The following TUSC3 variants were observed in gnomAD, a reference collection of about 807,000 sequenced individuals.
TUSC3 encodes the protein tumor suppressor candidate 3.
Under a neutral mutation model 44.8 loss-of-function variants are expected in TUSC3, and 45 were observed. The ratio of observed to expected loss-of-function variants is 1.00; its 90% CI spans 0.79 to 1.29. The LOEUF (loss-of-function observed/expected upper bound fraction) is 1.29. Ranked by LOEUF, TUSC3 falls within the 50% of genes most tolerant of loss-of-function variation. TUSC3 has a pLI of 0.00. For missense variants in TUSC3, 519 were observed against 437.9 expected (o/e 1.19, Z -1.65); for synonymous variants, 212 against 152.9 (o/e 1.39, Z -2.85).
intron 1 of TUSC3, among the ~76,000 whole-genome samples, chr8:15,430,625 C>T (rs1057142798): frequency 2.0e-5 from 3 of 151,390 alleles, no homozygotes; most frequent in Admixed American, 6.6e-5. Context: ...GAAGTTCTGG[C>T]CAGGGCAATC....
rs569059548 is a variant in TUSC3, at chr8:15,613,476, C to T, written c.139-9604C>T. Among the ~76,000 whole-genome samples the T allele has an allele frequency of 1.3e-3, 195 of 152,254 alleles. 1 individual carries two copies. The highest frequency in any genetic ancestry group is 2.2e-3 in the Non-Finnish European group (151 of 68,024). On this transcript the variant is annotated intron_variant, in intron 1 of 10. Transcript: ENST00000503731. The stretch of plus-strand genomic sequence containing the variant: ...CCATGCATTGGCCCATGCAGTTTTA[C>T]AAACATCAAGTCTCATGAGATGTGA...
chr8:15,528,629 GT>G (rs771456605), intron 2 of TUSC3, among the ~76,000 whole-genome samples: 5 of 152,172 alleles, frequency 3.3e-5, no homozygotes, highest in Non-Finnish European at 7.4e-5. Flanking sequence ...CCTTTCCAGT[GT>G]TTTCCTGGCT....
At chr8:15,847,377 T>A in the TUSC3 span, among the ~76,000 whole-genome samples, 3 of 152,182 alleles carry the variant, frequency 2.0e-5, no homozygotes, top group African/African-American at 7.2e-5. Context: ...TCTTGTGATT[T>A]TGCAAACTTC....
intron 9 of TUSC3, among the ~76,000 whole-genome samples, chr8:15,753,844 A>G (rs1424003502): frequency 1.3e-5 from 2 of 152,104 alleles, no homozygotes; most frequent in African/African-American, 4.8e-5. Context: ...TATCTATTCA[A>G]TTAGTTAACT....
intron 2 of TUSC3, among the ~76,000 whole-genome samples, chr8:15,628,753 C>A (rs1644706326): frequency 6.6e-6 from 1 of 152,182 alleles, no homozygotes; most frequent in African/African-American, 2.4e-5. Context: ...TACCTACCTT[C>A]TTAGTGAAGA....
chr8:15,718,122 A>G (rs1003926566), intron 6 of TUSC3, among the ~76,000 whole-genome samples: 3 of 152,122 alleles, frequency 2.0e-5, no homozygotes, highest in Admixed American at 6.6e-5. Flanking sequence ...AAGTTTTCAA[A>G]TGTTTGTGAG....
In TUSC3 at chr8:15,606,086, C is replaced by T. The variant is rs1804512637; in HGVS notation, c.139-16994C>T. Among the ~76,000 whole-genome samples the T allele has an allele frequency of 3.3e-5, 5 of 151,930 alleles. No homozygotes were observed. The South Asian group carries it at 1.0e-3, about 31-fold the overall frequency. On this transcript the variant is annotated intron_variant, in intron 1 of 10. Transcript: ENST00000503731. ...ACACCATGGGACGCAAACAAAATGCCACTAGGGATGCTGGAGGTGCTCCCA... is the reference window on the plus strand; with the variant it reads ...ACACCATGGGACGCAAACAAAATGCTACTAGGGATGCTGGAGGTGCTCCCA...
chr8:15,806,266 T>TG, the TUSC3 span: 2 of 610,132 alleles, frequency 3.3e-6, no homozygotes, highest in Non-Finnish European at 6.2e-6. Context: ...GGTGGCAGTC[T>TG]GGGGATGTTC....
At chr8:15,681,657 G>T (rs1255678126) in intron 6 of TUSC3, among the ~76,000 whole-genome samples, 4 of 150,984 alleles carry the variant, frequency 2.6e-5, no homozygotes, top group Admixed American at 1.3e-4. Context: ...GGATTTCTGG[G>T]CTTCAATTTC....
intron 6 of TUSC3, among the ~76,000 whole-genome samples, chr8:15,725,583 C>G (rs749730456): frequency 2.0e-5 from 3 of 150,418 alleles, no homozygotes; most frequent in Non-Finnish European, 4.4e-5. Context: ...AATTTGGAAT[C>G]TCGTTTGAAT....
intron 2 of TUSC3, among the ~76,000 whole-genome samples, chr8:15,650,165 A>T (rs1806826131): frequency 6.6e-6 from 1 of 152,226 alleles, no homozygotes; most frequent in Non-Finnish European, 1.5e-5. Flanking sequence ...ATGTAAATGC[A>T]TTTTGAGATA....
At chr8:15,778,466 T>C in the TUSC3 span, among the ~76,000 whole-genome samples, 1 of 152,140 alleles carries the variant, frequency 6.6e-6, no homozygotes, top group Non-Finnish European at 1.5e-5. Context: ...AAGAAAACTA[T>C]TAATGATTTT....
the TUSC3 span, among the ~76,000 whole-genome samples, chr8:15,809,705 C>T: frequency 6.6e-6 from 1 of 152,168 alleles, no homozygotes; most frequent in African/African-American, 2.4e-5. Flanking sequence ...TCTGATTGTA[C>T]TGTATTCACC....
chr8:15,823,249 G>C, the TUSC3 span, among the ~76,000 whole-genome samples: 2 of 152,118 alleles, frequency 1.3e-5, no homozygotes, highest in African/African-American at 4.8e-5. Context: ...AATAGTGGAG[G>C]CTCTATCATA....
chr8:15,513,487 A>C (rs1441962117), intron 2 of TUSC3, among the ~76,000 whole-genome samples: 1 of 152,190 alleles, frequency 6.6e-6, no homozygotes, highest in Non-Finnish European at 1.5e-5. Flanking sequence ...ATTATATTCA[A>C]AGTTTTCAGG....
At chr8:15,666,577 T>G (rs1179786361) in intron 5 of TUSC3, among the ~76,000 whole-genome samples, 3 of 151,556 alleles carry the variant, frequency 2.0e-5, no homozygotes, top group Non-Finnish European at 4.4e-5. Flanking sequence ...TTGTGACCAT[T>G]CAAAGTTACA....
intron 2 of TUSC3, among the ~76,000 whole-genome samples, chr8:15,624,992 G>A (rs944812232): frequency 6.6e-6 from 1 of 151,888 alleles, no homozygotes; most frequent in South Asian, 2.1e-4. Flanking sequence ...TTAGCTGTAG[G>A]TTTTTTATAG....
At chr8:15,793,119 C>T in the TUSC3 span, among the ~76,000 whole-genome samples, 3 of 152,068 alleles carry the variant, frequency 2.0e-5, no homozygotes, top group African/African-American at 4.8e-5. Flanking sequence ...TGTAAGGTCC[C>T]TCTTTCCACT....
At chr8:15,508,692 A>C (rs1801092710) in intron 2 of TUSC3, among the ~76,000 whole-genome samples, 2 of 151,974 alleles carry the variant, frequency 1.3e-5, no homozygotes. Flanking sequence ...CAGTCTCCTG[A>C]CCTTGTGATT....
Sources: allele counts gnomAD v4.1 joint callset (sites outside exome capture counted in the v4.1 genomes callset), GRCh38; gene constraint gnomAD v4.1.1; transcripts MANE v1.5; gene names NCBI Gene and HGNC (gene_info 2026-07-23, HGNC 2026-07-21).